The following SNAP91 variants were observed in gnomAD, a reference collection of about 807,000 sequenced individuals.
SNAP91 encodes the protein clathrin coat assembly protein AP180.
A neutral mutation model predicts 100.3 loss-of-function variants in SNAP91; 27 were observed. That is an observed-to-expected ratio of 0.27 (90% CI 0.20 to 0.37). The LOEUF (loss-of-function observed/expected upper bound fraction) is 0.37. Ranked by LOEUF, SNAP91 falls within the 10% of genes least tolerant of loss-of-function variation. SNAP91 has a pLI of 1.00. For missense variants in SNAP91, 986 were observed against 1,123.7 expected, an observed-to-expected ratio of 0.88 and a Z score of 1.75; for synonymous variants, 404 against 398.6, an observed-to-expected ratio of 1.01 and a Z score of -0.16.
rs533838548 is a variant in SNAP91, at chr6:83,656,145, A to G, written c.658+609T>C. Among the ~76,000 whole-genome samples the G allele has an allele frequency of 2.0e-5, 3 of 152,336 alleles. No homozygotes were observed. In the East Asian group the frequency reaches 5.8e-4, roughly 29 times the overall value. ...CTGGATGATAAGGTACTTGAAAAAA[A>G]TAAAACTGGAGGATTGGTGACAAGG... On this transcript the variant is annotated intron_variant, in intron 7 of 29. Transcript: ENST00000369694.
At position 83,665,562 on chromosome 6, in the gene SNAP91, G is replaced by C; in HGVS notation, c.150C>G (p.Asn50Lys). Residue 50 changes from asparagine to lysine, a missense_variant, in exon 3 of 30, where the codon AAC (asparagine) becomes AAG (lysine). Asn to Lys is a moderately conservative substitution (Grantham distance 94). Transcript: ENST00000369694. ...TCTGAGGAATATTAACATTGGTCTCGTTGGTAGCCTGGATCAAATCTATGA... is the reference window on the plus strand; with the variant it reads ...TCTGAGGAATATTAACATTGGTCTCCTTGGTAGCCTGGATCAAATCTATGA... Reference protein sequence around the residue: ...KHLDYLIQATNETNVNIPQMA... With the variant: ...KHLDYLIQATKETNVNIPQMA... The C allele has an allele frequency of 1.2e-6, 2 of 1,611,326 alleles. No individual in the cohort carries two copies. The highest frequency in any genetic ancestry group is 1.1e-5 in the South Asian group (1 of 90,874).
In SNAP91 at chr6:83,639,234, G is replaced by A. The variant is rs538311007; in HGVS notation, c.765+1862C>T. ...GCTATTGAGTATGAATCCATACATC[G>A]ACCACATGAGTACTATACAGTAGAG... is the stretch of plus-strand genomic sequence containing the variant. On this transcript the variant is annotated intron_variant, in intron 8 of 29. Transcript: ENST00000369694. Among the ~76,000 whole-genome samples the A allele has an allele frequency of 3.9e-5, 6 of 152,124 alleles. No homozygotes were observed. In the South Asian group the frequency reaches 1.0e-3, roughly 26 times the overall value.
chr6:83,661,737 T>C, intron 4 of SNAP91, 133 bp from the exon 5 acceptor site: 1 of 449,086 alleles, frequency 2.2e-6, no homozygotes, highest in East Asian at 3.4e-5. Flanking sequence ...ATCAGATAGA[T>C]CTCATTTAAA....
chr6:83,657,992 C>T (rs1444416099), intron 6 of SNAP91, among the ~76,000 whole-genome samples: 1 of 146,006 alleles, frequency 6.8e-6, no homozygotes, highest in East Asian at 2.0e-4. Flanking sequence ...GTTGGCCATG[C>T]TGGTCTCAAA....
intron 26 of SNAP91, among the ~76,000 whole-genome samples, chr6:83,569,680 T>C (rs998363211): frequency 6.6e-6 from 1 of 152,178 alleles, no homozygotes; most frequent in African/African-American, 2.4e-5. Flanking sequence ...TCCCATGTGT[T>C]GTGGGAGGGC....
chr6:83,616,899 A>C (rs1206734530), intron 10 of SNAP91, 70 bp downstream of exon 10: 3 of 1,062,796 alleles, frequency 2.8e-6, no homozygotes, highest in East Asian at 5.3e-5. Flanking sequence ...TTGTACCATG[A>C]TAAATCTCAT....
chr6:83,567,388 AACCATAAAAACCC>A (rs996927815), intron 26 of SNAP91, among the ~76,000 whole-genome samples: 4 of 152,232 alleles, frequency 2.6e-5, no homozygotes, highest in Non-Finnish European at 5.9e-5. Flanking sequence ...TTAGACCGAA[AACCATAAAAACCC>A]TAGAACACCT....
At chr6:83,699,745 AAAG>A (rs143231922) in intron 2 of SNAP91, among the ~76,000 whole-genome samples, 5 of 152,326 alleles carry the variant, frequency 3.3e-5, no homozygotes, top group Admixed American at 1.3e-4. Context: ...CACATCCACT[AAAG>A]AAGGACAAGA....
intron 28 of SNAP91, among the ~76,000 whole-genome samples, chr6:83,558,947 C>T (rs3798878): frequency 0.18 from 27,633 of 152,120 alleles, 2,659 homozygotes; most frequent in East Asian, 0.26. Flanking sequence ...AGCAGCAAAA[C>T]GGTTCAACAA....
At chr6:83,659,132 T>G in intron 5 of SNAP91, 40 bp from the exon 6 acceptor site, 1 of 1,434,852 alleles carries the variant, frequency 7.0e-7, no homozygotes, top group South Asian at 1.2e-5. Flanking sequence ...TTTCATTGGA[T>G]ATGGACAATT....
intron 7 of SNAP91, among the ~76,000 whole-genome samples, chr6:83,646,133 G>T (rs908666831): frequency 6.6e-6 from 1 of 152,164 alleles, no homozygotes; most frequent in African/African-American, 2.4e-5. Context: ...TCCTTTATCA[G>T]ATGTGGTTTT....
At chr6:83,607,856 G>A in intron 12 of SNAP91, 48 bp from the exon 13 acceptor site, 1 of 1,192,728 alleles carries the variant, frequency 8.4e-7, no homozygotes, top group Non-Finnish European at 1.2e-6. Flanking sequence ...TGAATCTACA[G>A]GACACAGGGC....
chr6:83,582,418 A>G (rs1229574776), intron 22 of SNAP91, 62 bp from the exon 23 acceptor site: 8 of 1,509,396 alleles, frequency 5.3e-6, no homozygotes, highest in Non-Finnish European at 7.1e-6. Context: ...GGCCATAAAA[A>G]CTGAATTTAA....
intron 13 of SNAP91, among the ~76,000 whole-genome samples, chr6:83,606,451 C>A (rs2095622124): frequency 6.6e-6 from 1 of 152,166 alleles, no homozygotes; most frequent in Admixed American, 6.5e-5. Flanking sequence ...CAAGGAGCAG[C>A]CTTACTATTC....
intron 28 of SNAP91, among the ~76,000 whole-genome samples, chr6:83,557,818 T>C (rs2127783781): frequency 6.6e-6 from 1 of 152,148 alleles, no homozygotes; most frequent in African/African-American, 2.4e-5. Context: ...TTAGGTGAGA[T>C]GACAATATCA....
intron 28 of SNAP91, among the ~76,000 whole-genome samples, chr6:83,558,929 G>C (rs1038890846): frequency 5.3e-5 from 8 of 152,122 alleles, no homozygotes; most frequent in Non-Finnish European, 1.2e-4. Flanking sequence ...ACTAAGACTA[G>C]CACCACTAGC....
chr6:83,612,900 A>AC (rs2096241859), intron 11 of SNAP91, among the ~76,000 whole-genome samples: 1 of 151,178 alleles, frequency 6.6e-6, no homozygotes, highest in Non-Finnish European at 1.5e-5. Context: ...GTCTCAAAAA[A>AC]AAAAAAAAAA....
chr6:83,556,102 T>G (rs1777494260), intron 29 of SNAP91, 41 bp downstream of exon 29: 1 of 1,106,276 alleles, frequency 9.0e-7, no homozygotes, highest in Non-Finnish European at 1.3e-6. Context: ...ATTGTATAGC[T>G]CATTATTACA....
intron 7 of SNAP91, among the ~76,000 whole-genome samples, chr6:83,648,667 C>T (rs750372636): frequency 2.7e-4 from 41 of 152,166 alleles, no homozygotes; most frequent in East Asian, 1.5e-3. Flanking sequence ...CTAGTAGGTC[C>T]AAGAGGTATC....
Sources: gnomAD v4.1 joint callset for allele counts (sites outside exome capture counted in the v4.1 genomes callset) on GRCh38, gnomAD v4.1.1 for gene constraint, MANE v1.5 for transcripts, NCBI Gene and HGNC (gene_info 2026-07-23, HGNC 2026-07-21) for gene names.